The following ARK2C variants were observed in gnomAD, a reference collection of about 807,000 sequenced individuals.
ARK2C encodes the protein arkadia (RNF111) C-terminal like ring finger ubiquitin ligase 2C.
At chr18:46,397,489 G>GGTGTGTGT in the ARK2C span, among the ~76,000 whole-genome samples, 2 of 101,992 alleles carry the variant, frequency 2.0e-5, no homozygotes, top group African/African-American at 9.2e-5. Flanking sequence ...GAGGTGTGAG[G>GGTGTGTGT]GTGTGTGTGT....
chr18:46,337,810 T>G, the ARK2C span, among the ~76,000 whole-genome samples: 1 of 152,008 alleles, frequency 6.6e-6, no homozygotes, highest in East Asian at 1.9e-4. Context: ...CTTTACTTTT[T>G]TTTTTTTGTG....
the ARK2C span, among the ~76,000 whole-genome samples, chr18:46,366,292 CAA>C: frequency 0.2 from 10,410 of 52,638 alleles, 159 homozygotes; most frequent in African/African-American, 0.25. Flanking sequence ...AACTCTGGCT[CAA>C]AAAAAAAAAA....
At chr18:46,373,016 A>G in the ARK2C span, among the ~76,000 whole-genome samples, 1 of 152,204 alleles carries the variant, frequency 6.6e-6, no homozygotes, top group African/African-American at 2.4e-5. Flanking sequence ...GTGTCTGTGC[A>G]TGTGCGAGTG....
the ARK2C span, among the ~76,000 whole-genome samples, chr18:46,355,953 G>A: frequency 3.6e-4 from 55 of 152,276 alleles, no homozygotes; most frequent in African/African-American, 1.2e-3. Context: ...TGTAGTGGGC[G>A]GAGGCATGGC....
chr18:46,390,265 C>T, the ARK2C span, among the ~76,000 whole-genome samples: 1 of 152,220 alleles, frequency 6.6e-6, no homozygotes, highest in Non-Finnish European at 1.5e-5. Flanking sequence ...ATCACCCCAT[C>T]TTTCCAGGTG....
the ARK2C span, among the ~76,000 whole-genome samples, chr18:46,378,665 G>A: frequency 2.6e-5 from 4 of 152,322 alleles, no homozygotes; most frequent in East Asian, 3.9e-4. Flanking sequence ...AGCATTCTGG[G>A]CAGAGGGAGT....
the ARK2C span, among the ~76,000 whole-genome samples, chr18:46,382,006 C>T: frequency 6.6e-6 from 1 of 152,192 alleles, no homozygotes; most frequent in African/African-American, 2.4e-5. Context: ...TCTGCAGGAG[C>T]CCCACAGCAG....
chr18:46,420,243 C>A, the ARK2C span, among the ~76,000 whole-genome samples: 2 of 152,180 alleles, frequency 1.3e-5, no homozygotes, highest in East Asian at 3.8e-4. Context: ...CTAAACTCTT[C>A]CCCATCATCA....
chr18:46,339,689 C>G, the ARK2C span, among the ~76,000 whole-genome samples: 3 of 152,222 alleles, frequency 2.0e-5, no homozygotes, highest in African/African-American at 4.8e-5. Context: ...AAGAGAACTT[C>G]TCTCTTGAAA....
the ARK2C span, chr18:46,335,416 TA>T: frequency 6.6e-6 from 1 of 152,206 alleles, no homozygotes; most frequent in Admixed American, 6.5e-5. Context: ...TTTCTTTTAA[TA>T]AAAAATTCCC....
the ARK2C span, among the ~76,000 whole-genome samples, chr18:46,402,754 G>A: frequency 6.6e-6 from 1 of 152,098 alleles, no homozygotes; most frequent in African/African-American, 2.4e-5. Context: ...TCTGGCTTTG[G>A]CCTCCCAAAG....
the ARK2C span, among the ~76,000 whole-genome samples, chr18:46,364,195 G>A: frequency 1.1e-4 from 16 of 151,994 alleles, no homozygotes; most frequent in Admixed American, 2.6e-4. Flanking sequence ...TGATCTGCAA[G>A]CCTCAGCCTC....
At chr18:46,360,098 G>A in the ARK2C span, among the ~76,000 whole-genome samples, 1 of 152,300 alleles carries the variant, frequency 6.6e-6, no homozygotes, top group East Asian at 1.9e-4. Context: ...AGAATACCCT[G>A]AGACGCATCA....
the ARK2C span, among the ~76,000 whole-genome samples, chr18:46,368,224 C>A: frequency 6.6e-6 from 1 of 152,342 alleles, no homozygotes; most frequent in African/African-American, 2.4e-5. Flanking sequence ...TAAATGCATT[C>A]ATCCTGGAAG....
the ARK2C span, among the ~76,000 whole-genome samples, chr18:46,349,277 G>T: frequency 6.6e-6 from 1 of 152,140 alleles, no homozygotes; most frequent in Non-Finnish European, 1.5e-5. Flanking sequence ...CAAGCTCAAG[G>T]TGCCAGCAGG....
the ARK2C span, among the ~76,000 whole-genome samples, chr18:46,375,593 T>TAAG: frequency 7.4e-6 from 1 of 135,734 alleles, no homozygotes; most frequent in Non-Finnish European, 1.7e-5. Context: ...ATAATAATAA[T>TAAG]AATAACTTGT....
the ARK2C span, chr18:46,385,760 G>A: frequency 6.6e-6 from 1 of 152,090 alleles, no homozygotes; most frequent in Non-Finnish European, 1.5e-5. Flanking sequence ...ACCCCCTCGA[G>A]GCAGTTAATT....
chr18:46,335,679 T>C, the ARK2C span: 1 of 159,436 alleles, frequency 6.3e-6, no homozygotes, highest in Non-Finnish European at 1.3e-5. Flanking sequence ...GGGCCAGCGC[T>C]TTAGTGCGCC....
the ARK2C span, among the ~76,000 whole-genome samples, chr18:46,364,562 G>C: frequency 1.3e-5 from 2 of 152,136 alleles, no homozygotes; most frequent in Non-Finnish European, 2.9e-5. Flanking sequence ...AACTGGAAAA[G>C]CCTTCACACC....
Sources: gnomAD v4.1 joint callset for allele counts (sites outside exome capture counted in the v4.1 genomes callset) on GRCh38, gnomAD v4.1.1 for gene constraint, MANE v1.5 for transcripts, NCBI Gene and HGNC (gene_info 2026-07-23, HGNC 2026-07-21) for gene names.